Variants in ERC2 observed in about 807,000 individuals in gnomAD.
ERC2 encodes the protein ERC protein 2.
A neutral mutation model predicts 114.8 loss-of-function variants in ERC2; 42 were observed. The observed-to-expected ratio is 0.37, with a 90% CI of 0.29 to 0.47. ERC2 has a LOEUF of 0.47. Among genes scored for constraint, ERC2 ranks in the 20% least tolerant of loss-of-function variants. ERC2 has a pLI of 0.99. For missense variants in ERC2, 939 were observed against 1,150.7 expected (o/e 0.82, Z 2.66); for synonymous variants, 454 against 425.5 (o/e 1.07, Z -0.82).
chr3:55,952,178 C>CTATATATATATATAT (rs1302030120), intron 12 of ERC2, among the ~76,000 whole-genome samples: 1 of 41,722 alleles, frequency 2.4e-5, no homozygotes, highest in African/African-American at 6.8e-5. Context: ...CACACACACA[C>CTATATATATATATAT]ACTCTCTCTC....
chr3:55,883,844 C>T (rs963149378), intron 14 of ERC2, among the ~76,000 whole-genome samples: 1 of 151,992 alleles, frequency 6.6e-6, no homozygotes, highest in Admixed American at 6.6e-5. Context: ...GCCAAGATTG[C>T]ACCACTGCAC....
intron 17 of ERC2, among the ~76,000 whole-genome samples, chr3:55,652,936 A>G (rs2060699530): frequency 6.6e-6 from 1 of 151,448 alleles, no homozygotes; most frequent in South Asian, 2.1e-4. Context: ...AGGCACAGAC[A>G]GTTGAGCGCA....
In ERC2 at chr3:56,080,717, G is replaced by A. The variant is rs1366598663; in HGVS notation, c.1641+100C>T. On this transcript the variant is annotated intron_variant, in intron 7 of 17. Transcript: ENST00000288221. ...TGAAAATCAGCCTATTCTTCCTAAA[G>A]ATTCGTAAAAGATCACTTATTTTCC... The A allele has an allele frequency of 1.2e-5, 14 of 1,209,476 alleles. No individual in the cohort carries two copies. In the East Asian group the frequency reaches 3.3e-4, roughly 29 times the overall value. The allele number at this position is 1,209,476 out of a possible 1,614,324, so 74.9% of individuals were successfully genotyped here.
chr3:55,622,902 T>C (rs1037232501), intron 17 of ERC2, among the ~76,000 whole-genome samples: 5 of 152,032 alleles, frequency 3.3e-5, no homozygotes, highest in African/African-American at 1.2e-4. Context: ...CCATGCTGAT[T>C]CAAACCCAGA....
chr3:55,663,560 C>T (rs910209375), intron 17 of ERC2, among the ~76,000 whole-genome samples: 1 of 152,176 alleles, frequency 6.6e-6, no homozygotes, highest in Non-Finnish European at 1.5e-5. Flanking sequence ...CCAGCCCCCA[C>T]CTCGTCTGCA....
chr3:56,230,615 C>G (rs1200559495), intron 3 of ERC2, among the ~76,000 whole-genome samples: 1 of 151,698 alleles, frequency 6.6e-6, no homozygotes, highest in Non-Finnish European at 1.5e-5. Context: ...CCTTAGAATT[C>G]TTGAATTCAA....
intron 3 of ERC2, among the ~76,000 whole-genome samples, chr3:56,231,969 G>GTT (rs58096058): frequency 2.1e-5 from 3 of 146,200 alleles, no homozygotes; most frequent in Non-Finnish European, 1.5e-5. Context: ...CCTAGACATA[G>GTT]TTTTTTTTTT....
chr3:55,746,665 C>G (rs1182420207), intron 14 of ERC2, among the ~76,000 whole-genome samples: 1 of 152,186 alleles, frequency 6.6e-6, no homozygotes. Flanking sequence ...GAAGGAAACA[C>G]AGGGTGGCAT....
chr3:55,711,344 T>TCTCC (rs571732820), intron 15 of ERC2, among the ~76,000 whole-genome samples: 2 of 152,350 alleles, frequency 1.3e-5, no homozygotes, highest in African/African-American at 4.8e-5. Context: ...AAAGTAATGT[T>TCTCC]CTCCCTCCCT....
intron 3 of ERC2, among the ~76,000 whole-genome samples, chr3:56,239,803 T>A (rs2051205529): frequency 6.6e-6 from 1 of 152,222 alleles, no homozygotes; most frequent in Admixed American, 6.5e-5. Flanking sequence ...TATGTTCTAT[T>A]CCCATATATC....
chr3:56,142,417 G>C (rs1017261882), intron 5 of ERC2, among the ~76,000 whole-genome samples: 1 of 151,988 alleles, frequency 6.6e-6, no homozygotes, highest in African/African-American at 2.4e-5. Flanking sequence ...TATTGATTAT[G>C]CAATTACACT....
At chr3:56,428,123 T>C (rs929184145) in intron 2 of ERC2, among the ~76,000 whole-genome samples, 1 of 152,144 alleles carries the variant, frequency 6.6e-6, no homozygotes, top group Non-Finnish European at 1.5e-5. Context: ...CCCACAAACC[T>C]GATGAAATTC....
At chr3:55,519,015 A>T (rs1276131617) in intron 17 of ERC2, among the ~76,000 whole-genome samples, 6 of 152,188 alleles carry the variant, frequency 3.9e-5, no homozygotes, top group Non-Finnish European at 7.3e-5. Flanking sequence ...GACATCAGAG[A>T]TGGGGGCTGA....
At chr3:55,661,047 C>T (rs1236298181) in intron 17 of ERC2, among the ~76,000 whole-genome samples, 1 of 152,192 alleles carries the variant, frequency 6.6e-6, no homozygotes, top group African/African-American at 2.4e-5. Context: ...CCAGCTTGTC[C>T]TGTGGGCCAA....
At chr3:56,440,479 C>T (rs2062242700) in intron 1 of ERC2, among the ~76,000 whole-genome samples, 2 of 149,238 alleles carry the variant, frequency 1.3e-5, no homozygotes, top group Non-Finnish European at 3.0e-5. Flanking sequence ...ACCCAGGAGG[C>T]GGAGCTTGCA....
At chr3:55,575,158 G>A (rs2056910946) in intron 17 of ERC2, among the ~76,000 whole-genome samples, 2 of 152,174 alleles carry the variant, frequency 1.3e-5, no homozygotes. Flanking sequence ...GGGATTACAG[G>A]CATGCGCCAC....
At chr3:56,273,258 C>CTTTTT (rs1206517864) in intron 3 of ERC2, among the ~76,000 whole-genome samples, 3 of 94,742 alleles carry the variant, frequency 3.2e-5, no homozygotes, top group Non-Finnish European at 2.4e-5. Context: ...CTTTTTTTTT[C>CTTTTT]TTTCTTTTTT....
intron 2 of ERC2, among the ~76,000 whole-genome samples, chr3:56,306,993 C>T (rs1283099866): frequency 1.3e-5 from 2 of 152,222 alleles, no homozygotes; most frequent in Non-Finnish European, 2.9e-5. Context: ...GAGCCTGTGC[C>T]TACAGCCATC....
chr3:55,894,060 C>T (rs2149331005), intron 13 of ERC2, among the ~76,000 whole-genome samples: 1 of 152,222 alleles, frequency 6.6e-6, no homozygotes, highest in African/African-American at 2.4e-5. Flanking sequence ...AGCGTAGTGG[C>T]TTAGAAACAT....
Sources: gnomAD v4.1 joint callset for allele counts (sites outside exome capture counted in the v4.1 genomes callset) on GRCh38, gnomAD v4.1.1 for gene constraint, MANE v1.5 for transcripts, NCBI Gene and HGNC (gene_info 2026-07-23, HGNC 2026-07-21) for gene names.